The following FAM13A variants were observed in gnomAD, a reference collection of about 807,000 sequenced individuals.
FAM13A encodes the protein protein FAM13A.
In FAM13A, 76 loss-of-function variants were observed where a neutral mutation model predicts 129.6. The ratio of observed to expected loss-of-function variants is 0.59; its 90% CI spans 0.49 to 0.71. FAM13A has a LOEUF of 0.71. Ranked by LOEUF, FAM13A falls within the 30% of genes least tolerant of loss-of-function variation. FAM13A has a pLI of 0.00. For synonymous variants in FAM13A, 443 were observed against 449.9 expected, an observed-to-expected ratio of 0.98 and a Z score of 0.20; for missense variants, 1,108 against 1,249.3, an observed-to-expected ratio of 0.89 and a Z score of 1.70.
chr4:88,823,331 C>T (rs1309766997), intron 7 of FAM13A: 1 of 1,113,132 alleles, frequency 9.0e-7, no homozygotes, highest in Non-Finnish European at 1.1e-6. Flanking sequence ...TCCTCCTCCT[C>T]CCCCGCACCC....
At chr4:88,795,455 TTTAG>T (rs762275485) in intron 8 of FAM13A, among the ~76,000 whole-genome samples, 1 of 151,838 alleles carries the variant, frequency 6.6e-6, no homozygotes, top group Non-Finnish European at 1.5e-5. Flanking sequence ...ATTTTATATA[TTTAG>T]TATGTTTTAG....
At chr4:88,867,396 T>A (rs1315316815) in intron 6 of FAM13A, among the ~76,000 whole-genome samples, 4 of 152,178 alleles carry the variant, frequency 2.6e-5, no homozygotes, top group East Asian at 3.8e-4. Flanking sequence ...AAGCACAACA[T>A]GTAAAAAAAC....
chr4:88,791,623 T>C (rs1450099706), intron 8 of FAM13A, among the ~76,000 whole-genome samples: 1 of 152,146 alleles, frequency 6.6e-6, no homozygotes, highest in African/African-American at 2.4e-5. Flanking sequence ...ATAGTCCTAA[T>C]AGTTCTTTTC....
At chr4:88,755,032 A>G (rs189872923) in intron 14 of FAM13A, among the ~76,000 whole-genome samples, 1 of 152,320 alleles carries the variant, frequency 6.6e-6, no homozygotes, top group Admixed American at 6.5e-5. Context: ...CAGTCGGGCT[A>G]TCATTAACGC....
chr4:89,000,855 A>G (rs1764163554), intron 3 of FAM13A, among the ~76,000 whole-genome samples: 1 of 152,238 alleles, frequency 6.6e-6, no homozygotes, highest in South Asian at 2.1e-4. Flanking sequence ...CACTAAAATG[A>G]CAATTTTTTT....
chr4:89,007,645 A>G (rs1310329265), intron 3 of FAM13A, among the ~76,000 whole-genome samples: 1 of 152,228 alleles, frequency 6.6e-6, no homozygotes, highest in Non-Finnish European at 1.5e-5. Context: ...TCATTGTTAT[A>G]CAGAAATACA....
At chr4:88,913,249 A>G (rs544488094) in intron 5 of FAM13A, among the ~76,000 whole-genome samples, 13 of 130,866 alleles carry the variant, frequency 9.9e-5, no homozygotes, top group Non-Finnish European at 1.3e-4. Context: ...AGGAGGAGGA[A>G]GAAGAAGAGG....
At chr4:89,004,863 A>T (rs1764787913) in intron 3 of FAM13A, among the ~76,000 whole-genome samples, 1 of 152,010 alleles carries the variant, frequency 6.6e-6, no homozygotes, top group East Asian at 1.9e-4. Context: ...CTGCAATAAA[A>T]TCTCTGAAAG....
Position 89,053,403 on chromosome 4 carries a change from A to G in FAM13A, c.27+3535T>C, listed in dbSNP as rs1708676. ...CTTCCCACTTAAGCCCTGTCAAAGA[A>G]GATAAACCTAACCTCATCCTTTTCC... On this transcript the variant is annotated intron_variant, in intron 1 of 23. Transcript: ENST00000264344. Among the ~76,000 whole-genome samples, 4 of 152,296 alleles carry G rather than the reference A, an allele frequency of 2.6e-5. No individual in the cohort carries two copies. In the East Asian group the frequency reaches 7.7e-4, roughly 29 times the overall value.
rs116909537 is a variant in FAM13A, at chr4:89,035,425, A to G, written c.28-5776T>C. On this transcript the variant is annotated intron_variant, in intron 1 of 23. Coordinates refer to ENST00000264344, the MANE Select transcript of FAM13A (RefSeq NM_014883.4). Reference sequence around the variant, plus strand: ...TCTTAGCTACTTCCATTGGGATAAGAAAATTAAAGCACAAGAACAACAAAA... The same window carrying G: ...TCTTAGCTACTTCCATTGGGATAAGGAAATTAAAGCACAAGAACAACAAAA... Among the ~76,000 whole-genome samples the G allele has an allele frequency of 1.1e-3, 161 of 152,178 alleles. 2 individuals are homozygous for G. In the East Asian group the frequency reaches 0.024, roughly 23 times the overall value.
intron 3 of FAM13A, among the ~76,000 whole-genome samples, chr4:89,017,264 C>A (rs1166992200): frequency 6.6e-6 from 1 of 152,066 alleles, no homozygotes; most frequent in Non-Finnish European, 1.5e-5. Context: ...ACCAACATAG[C>A]AAAAATTTAA....
intron 13 of FAM13A, 126 bp from the exon 14 acceptor site, chr4:88,759,027 A>G (rs976282412): frequency 3.0e-6 from 3 of 986,338 alleles, no homozygotes; most frequent in Non-Finnish European, 4.4e-6. Context: ...CAGCACAGAA[A>G]TAAAAATCAT....
intron 7 of FAM13A, among the ~76,000 whole-genome samples, chr4:88,814,623 T>C (rs776760166): frequency 5.2e-4 from 79 of 152,306 alleles, no homozygotes; most frequent in Non-Finnish European, 8.2e-4. Flanking sequence ...CAGGCCAGCA[T>C]TTAGTTTCTA....
intron 14 of FAM13A, among the ~76,000 whole-genome samples, chr4:88,752,830 CATG>C (rs1196586633): frequency 6.6e-6 from 1 of 152,214 alleles, no homozygotes; most frequent in African/African-American, 2.4e-5. Context: ...CATCTTCTGT[CATG>C]ATATTTCATA....
At chr4:88,940,970 AC>A (rs1323431822) in intron 4 of FAM13A, among the ~76,000 whole-genome samples, 1 of 152,154 alleles carries the variant, frequency 6.6e-6, no homozygotes, top group East Asian at 1.9e-4. Context: ...TGATGTTGGC[AC>A]CCCCAAATTC....
At chr4:88,772,752 C>T (rs1451841835) in intron 11 of FAM13A, among the ~76,000 whole-genome samples, 2 of 151,980 alleles carry the variant, frequency 1.3e-5, no homozygotes, top group African/African-American at 4.8e-5. Flanking sequence ...AACAGAAAGC[C>T]CATTTTATAA....
At chr4:89,047,030 G>A (rs910081591) in intron 1 of FAM13A, among the ~76,000 whole-genome samples, 3 of 152,164 alleles carry the variant, frequency 2.0e-5, no homozygotes, top group African/African-American at 7.2e-5. Context: ...GCAAAAGCTG[G>A]AGCTTCTTCA....
At chr4:88,819,875 C>G (rs1232227754) in intron 7 of FAM13A, among the ~76,000 whole-genome samples, 2 of 152,002 alleles carry the variant, frequency 1.3e-5, no homozygotes, top group Non-Finnish European at 2.9e-5. Flanking sequence ...TTAATAAGAT[C>G]CTGTCTTTAA....
At chr4:89,008,323 A>C (rs189793556) in intron 3 of FAM13A, among the ~76,000 whole-genome samples, 1 of 152,304 alleles carries the variant, frequency 6.6e-6, no homozygotes, top group East Asian at 1.9e-4. Flanking sequence ...TTGGCTCCTG[A>C]TCAAATAGGG....
Sources: gnomAD v4.1 joint callset for allele counts (sites outside exome capture counted in the v4.1 genomes callset) on GRCh38, gnomAD v4.1.1 for gene constraint, MANE v1.5 for transcripts, NCBI Gene and HGNC (gene_info 2026-07-23, HGNC 2026-07-21) for gene names.